UBE2L3: variants seen among roughly 807,000 people sequenced by gnomAD.
UBE2L3 encodes ubiquitin conjugating enzyme E2 L3.
In UBE2L3, 1 loss-of-function variant was observed where a neutral mutation model predicts 17.8. The observed-to-expected ratio is 0.06, with a 90% CI of 0.02 to 0.27. The LOEUF (loss-of-function observed/expected upper bound fraction) is 0.27. UBE2L3 is among the 10% of genes least tolerant of loss of function. The pLI, the probability that UBE2L3 is intolerant of heterozygous loss-of-function variation, is 1.00. For synonymous variants in UBE2L3, 44 were observed against 68.5 expected (o/e 0.64, Z 1.76); for missense variants, 40 against 192.6 (o/e 0.21, Z 4.69).
chr22:21,580,800 G>T (rs1927576440), intron 1 of UBE2L3, among the ~76,000 whole-genome samples: 1 of 151,964 alleles, frequency 6.6e-6, no homozygotes, highest in African/African-American at 2.4e-5. Flanking sequence ...GGCCAGGCTG[G>T]CCTCGAACTC....
At chr22:21,577,136 T>C (rs2148406735) in intron 1 of UBE2L3, among the ~76,000 whole-genome samples, 1 of 152,020 alleles carries the variant, frequency 6.6e-6, no homozygotes, top group Non-Finnish European at 1.5e-5. Flanking sequence ...ACCCAGCTAA[T>C]CTTTTGTATT....
intron 1 of UBE2L3, among the ~76,000 whole-genome samples, chr22:21,582,473 C>T (rs570358112): frequency 6.6e-6 from 1 of 151,930 alleles, no homozygotes; most frequent in African/African-American, 2.4e-5. Context: ...CCTACCTCAG[C>T]CTCCCAAGTA....
intron 2 of UBE2L3, among the ~76,000 whole-genome samples, chr22:21,597,820 C>T (rs1211622206): frequency 5.7e-5 from 4 of 70,732 alleles, no homozygotes; most frequent in Admixed American, 2.6e-4. Context: ...GACAGGCTCT[C>T]GTTCTGTTGC....
intron 1 of UBE2L3, among the ~76,000 whole-genome samples, chr22:21,562,339 G>A (rs1420266949): frequency 3.5e-5 from 5 of 142,402 alleles, no homozygotes; most frequent in African/African-American, 1.3e-4. Flanking sequence ...GTACTACAGG[G>A]GCCCGCCACT....
chr22:21,557,074 T>A (rs543997795), intron 1 of UBE2L3, among the ~76,000 whole-genome samples: 2 of 151,904 alleles, frequency 1.3e-5, no homozygotes, highest in East Asian at 3.9e-4. Flanking sequence ...GAAAAAAAAA[T>A]TAACAACAGG....
At chr22:21,618,086 C>T (rs2148449129) in intron 3 of UBE2L3, among the ~76,000 whole-genome samples, 1 of 152,126 alleles carries the variant, frequency 6.6e-6, no homozygotes, top group East Asian at 1.9e-4. Flanking sequence ...GAAGTTGAGG[C>T]AGGAGAATCC....
At chr22:21,564,492 C>A (rs1419743742), upstream of UBE2L3, among the ~76,000 whole-genome samples, 1 of 152,172 alleles carries the variant, frequency 6.6e-6, no homozygotes, top group African/African-American at 2.4e-5. Flanking sequence ...CCAGGCAGCC[C>A]TTCCACTGGG....
At chr22:21,581,504 G>GA (rs1325082023) in intron 1 of UBE2L3, among the ~76,000 whole-genome samples, 10 of 150,552 alleles carry the variant, frequency 6.6e-5, no homozygotes, top group East Asian at 5.8e-4. Context: ...TCACTTAAAG[G>GA]AAAAAAAAAC....
chr22:21,596,778 C>G (rs1235806527), intron 2 of UBE2L3, among the ~76,000 whole-genome samples: 1 of 152,018 alleles, frequency 6.6e-6, no homozygotes, highest in Non-Finnish European at 1.5e-5. Context: ...TAAGCCATTG[C>G]GCCCATCCTG....
chr22:21,601,178 T>C (rs1028926889), intron 2 of UBE2L3, among the ~76,000 whole-genome samples: 7 of 151,692 alleles, frequency 4.6e-5, no homozygotes, highest in African/African-American at 1.5e-4. Flanking sequence ...CAAAGAAAAA[T>C]CAATCAATCA....
chr22:21,560,818 G>C (rs1926406294), intron 1 of UBE2L3, among the ~76,000 whole-genome samples: 1 of 150,844 alleles, frequency 6.6e-6, no homozygotes, highest in East Asian at 1.9e-4. Context: ...CTTCCCAAAG[G>C]CACGAGTAGC....
chr22:21,584,470 C>T (rs549778289), intron 1 of UBE2L3, among the ~76,000 whole-genome samples: 78 of 151,944 alleles, frequency 5.1e-4, no homozygotes, highest in African/African-American at 6.3e-4. Context: ...CCACCACACC[C>T]GGCCTCGGCC....
At chr22:21,607,805 G>A (rs991035576) in intron 2 of UBE2L3, among the ~76,000 whole-genome samples, 4 of 152,146 alleles carry the variant, frequency 2.6e-5, no homozygotes, top group Non-Finnish European at 4.4e-5. Flanking sequence ...GGCCCTGCCT[G>A]GTGATCACCT....
chr22:21,568,145 G>GCCGGAGCCCCTGC, intron 1 of UBE2L3: 1 of 1,029,218 alleles, frequency 9.7e-7, no homozygotes, highest in Non-Finnish European at 1.2e-6. Flanking sequence ...AGGCCCGAGC[G>GCCGGAGCCCCTGC]CCGGAGCCCC....
intron 2 of UBE2L3, among the ~76,000 whole-genome samples, chr22:21,605,126 G>A (rs188419860): frequency 2.6e-5 from 4 of 152,162 alleles, no homozygotes; most frequent in South Asian, 2.1e-4. Context: ...CCAGCAGCAC[G>A]CACAGCTAAT....
chr22:21,612,643 C>CTTTCTTTTTTTTTTTTT (rs1929552484), intron 3 of UBE2L3, among the ~76,000 whole-genome samples: 1 of 52,476 alleles, frequency 1.9e-5, no homozygotes, highest in South Asian at 1.0e-3. Context: ...CTTTTCTTTT[C>CTTTCTTTTTTTTTTTTT]TTTTTTTTTT....
chr22:21,568,268 G>A, intron 1 of UBE2L3: 2 of 986,458 alleles, frequency 2.0e-6, no homozygotes, highest in South Asian at 4.7e-5. Flanking sequence ...GGCTAGGAAA[G>A]AGAGAAGGAG....
intron 1 of UBE2L3, among the ~76,000 whole-genome samples, chr22:21,577,543 A>C (rs1016501685): frequency 2.6e-5 from 4 of 152,230 alleles, no homozygotes; most frequent in Non-Finnish European, 5.9e-5. Flanking sequence ...AGCAGACACC[A>C]GTGGCCTCTG....
chr22:21,571,226 C>T lies in UBE2L3; in HGVS notation c.27+3455C>T, dbSNP rs191425448. On this transcript the variant is annotated intron_variant, in intron 1 of 3. Transcript: ENST00000342192. ...CAGGATGGGGAAATTGCTGCAAAAG[C>T]CAAAAGTGAAACCTTTATGTGTGGC... Among the ~76,000 whole-genome samples, 148 of 152,272 alleles carry T rather than the reference C, an allele frequency of 9.7e-4. 1 individual carries two copies. Among genetic ancestry groups the T allele is most frequent in the African/African-American group, 3.5e-3 (144 of 41,554 alleles).
Sources: gnomAD v4.1 joint callset for allele counts (sites outside exome capture counted in the v4.1 genomes callset) on GRCh38, gnomAD v4.1.1 for gene constraint, MANE v1.5 for transcripts, NCBI Gene and HGNC (gene_info 2026-07-23, HGNC 2026-07-21) for gene names.